CKAP5: variants seen among roughly 807,000 people sequenced by gnomAD.
CKAP5 encodes the protein cytoskeleton-associated protein 5.
In CKAP5, 27 loss-of-function variants were observed where a neutral mutation model predicts 232.8. The ratio of observed to expected loss-of-function variants is 0.12; its 90% CI spans 0.09 to 0.16. CKAP5 has a LOEUF of 0.16. Ranked by LOEUF, CKAP5 falls within the 10% of genes least tolerant of loss-of-function variation. The pLI is 1.00. For synonymous variants in CKAP5, 785 were observed against 841.1 expected, an observed-to-expected ratio of 0.93 and a Z score of 1.16; for missense variants, 1,838 against 2,424.7, an observed-to-expected ratio of 0.76 and a Z score of 5.08.
At chr11:46,790,306 G>A in intron 14 of CKAP5, 120 bp from the exon 15 acceptor site, 1 of 800,412 alleles carries the variant, frequency 1.2e-6, no homozygotes, top group South Asian at 1.9e-5. Context: ...TAGTTTCTGA[G>A]GCTTCTATTA....
chr11:46,810,976 G>A (rs1939261682), intron 5 of CKAP5, 31 bp downstream of exon 5: 2 of 1,549,652 alleles, frequency 1.3e-6, no homozygotes, highest in African/African-American at 1.4e-5. Flanking sequence ...TTAACCTTGT[G>A]CGAAAGCAAC....
chr11:46,808,504 G>A (rs1189030592), intron 7 of CKAP5, among the ~76,000 whole-genome samples: 1 of 152,202 alleles, frequency 6.6e-6, no homozygotes, highest in African/African-American at 2.4e-5. Flanking sequence ...TCGCGCCACT[G>A]CACTCTAGCC....
chr11:46,832,259 ATCAC>A (rs1939810058), intron 1 of CKAP5, among the ~76,000 whole-genome samples: 1 of 152,220 alleles, frequency 6.6e-6, no homozygotes, highest in African/African-American at 2.4e-5. Context: ...AGTGAAAAAA[ATCAC>A]TCAGTAATAT....
chr11:46,843,728 GAAAAAAAA>G (rs11362980), intron 1 of CKAP5, among the ~76,000 whole-genome samples: 3 of 107,550 alleles, frequency 2.8e-5, no homozygotes, highest in South Asian at 3.3e-4. Flanking sequence ...AGATCTGATT[GAAAAAAAA>G]AAAAAAAAAA....
chr11:46,783,657 A>G (rs1007228162), intron 17 of CKAP5, among the ~76,000 whole-genome samples: 1 of 151,058 alleles, frequency 6.6e-6, no homozygotes, highest in African/African-American at 2.4e-5. Context: ...CAGTGGCACA[A>G]TCATCAATCA....
chr11:46,809,412 A>G lies in CKAP5; in HGVS notation c.852T>C (p.Phe284=), dbSNP rs758321886. 1.3e-6 allele frequency: 2 copies of G among 1,598,004 alleles called. No homozygotes were observed. The highest frequency in any genetic ancestry group is 1.7e-5 in the Admixed American group (1 of 57,990). The change falls in exon 7 of 44, where the codon TTT becomes TTC. Residue 284 remains phenylalanine (F), a synonymous_variant. Transcript: ENST00000529230. ...AACTATTACTTACAATTTTGTCATA[A>G]AAGTCTTTGGGAAGTTTGGAAAGGA... The part of the protein sequence containing the change: ...VEILSKLPKD[F]YDKIEAKKWQ...
intron 38 of CKAP5, among the ~76,000 whole-genome samples, chr11:46,752,193 T>TATATATATATATACACAG (rs1408030107): frequency 1.5e-5 from 1 of 66,574 alleles, no homozygotes; most frequent in Non-Finnish European, 2.9e-5. Context: ...TATATATATA[T>TATATATATATATACACAG]ACACACACAC....
At chr11:46,830,709 T>C (rs1939770877) in intron 1 of CKAP5, among the ~76,000 whole-genome samples, 2 of 152,134 alleles carry the variant, frequency 1.3e-5, no homozygotes, top group Non-Finnish European at 2.9e-5. Flanking sequence ...CATAGAAAAC[T>C]AGGACATCAT....
intron 7 of CKAP5, among the ~76,000 whole-genome samples, chr11:46,808,997 TA>T (rs1168679513): frequency 6.6e-6 from 1 of 152,102 alleles, no homozygotes; most frequent in Non-Finnish European, 1.5e-5. Context: ...ATCTAGTGGA[TA>T]AAAGCCAAAG....
In CKAP5 at chr11:46,759,289, T is replaced by C. The variant is rs987179706; in HGVS notation, c.4548A>G (p.Pro1516=). The part of the protein sequence containing the change: ...VQHKLDDIFE[P]VLIPEPKIRA... The stretch of plus-strand genomic sequence containing the variant: ...CTCACTTGGGTTCAGGAATAAGGAC[T>C]GGCTCAAAAATGTCATCCAGTTTGT... The change falls in exon 34 of 44, where the codon CCA becomes CCG. Residue 1516 remains proline, a synonymous_variant. Coordinates refer to ENST00000529230, the MANE Select transcript of CKAP5 (RefSeq NM_001008938.4). The C allele has an allele frequency of 1.9e-6, 3 of 1,613,684 alleles. No individual in the cohort carries two copies. In the African/African-American group the frequency reaches 4.0e-5, roughly 22 times the overall value.
chr11:46,825,558 C>T (rs915592570), intron 1 of CKAP5, among the ~76,000 whole-genome samples: 8 of 152,118 alleles, frequency 5.3e-5, no homozygotes, highest in African/African-American at 1.9e-4. Flanking sequence ...AATTCCCAAG[C>T]TCTTGACCTA....
chr11:46,811,765 C>G (rs1190584246), intron 4 of CKAP5, among the ~76,000 whole-genome samples: 1 of 152,156 alleles, frequency 6.6e-6, no homozygotes, highest in Non-Finnish European at 1.5e-5. Context: ...CGTGAGCCAC[C>G]ACACCCAGCC....
chr11:46,831,276 G>A (rs968763307), intron 1 of CKAP5, among the ~76,000 whole-genome samples: 9 of 151,044 alleles, frequency 6.0e-5, no homozygotes, highest in Non-Finnish European at 1.0e-4. Flanking sequence ...TTTAACTCCC[G>A]CTTAGATGAT....
chr11:46,764,961 T>C (rs1205612953), intron 28 of CKAP5, among the ~76,000 whole-genome samples, 170 bp downstream of exon 28: 2 of 143,454 alleles, frequency 1.4e-5, no homozygotes, highest in East Asian at 2.0e-4. Context: ...CTCTATTCTA[T>C]AGTTTCTTTT....
intron 31 of CKAP5, 73 bp downstream of exon 31, chr11:46,762,554 T>A: frequency 6.4e-7 from 1 of 1,556,558 alleles, no homozygotes; most frequent in Non-Finnish European, 8.8e-7. Context: ...ATTTATTTGT[T>A]CATCTATAAA....
At chr11:46,807,478 C>T (rs1298424395) in intron 8 of CKAP5, among the ~76,000 whole-genome samples, 1 of 152,108 alleles carries the variant, frequency 6.6e-6, no homozygotes, top group Non-Finnish European at 1.5e-5. Flanking sequence ...TAATCATATC[C>T]ACAGTGTTTG....
intron 4 of CKAP5, among the ~76,000 whole-genome samples, chr11:46,813,861 G>A (rs1229509853): frequency 6.6e-6 from 1 of 152,050 alleles, no homozygotes; most frequent in East Asian, 1.9e-4. Context: ...TAGGCCAGGT[G>A]CGGTTGCTTA....
rs758126954 is a variant in CKAP5, at chr11:46,754,888, C to T, written c.4869G>A (p.Ser1623=). ...LYSCIIGNMI[S]LFQIESLARE... ...TGAAATTCTGCAGAGGTGCCCTTAC[C>T]GAAATCATGTTGCCAATGATACAGC... Residue 1623 remains serine (S), a splice_region_variant and synonymous_variant, in exon 36 of 44, where the codon TCG becomes TCA. Transcript: ENST00000529230. 6 of 1,610,724 alleles carry T rather than the reference C, an allele frequency of 3.7e-6. No homozygotes were observed. The highest frequency in any genetic ancestry group is 1.7e-5 in the Admixed American group (1 of 59,492).
intron 13 of CKAP5, among the ~76,000 whole-genome samples, chr11:46,793,937 A>AC (rs934577147): frequency 1.0e-4 from 15 of 149,398 alleles, no homozygotes; most frequent in African/African-American, 3.4e-4. Flanking sequence ...AGAAAAAACA[A>AC]AAAAAAAATA....
Sources: allele counts gnomAD v4.1 joint callset (sites outside exome capture counted in the v4.1 genomes callset), GRCh38; gene constraint gnomAD v4.1.1; transcripts MANE v1.5; gene names NCBI Gene and HGNC (gene_info 2026-07-23, HGNC 2026-07-21).